Variants in ANKRD12 observed in about 807,000 individuals in gnomAD.
The protein encoded by ANKRD12 is ankyrin repeat domain 12, also known as ankyrin repeat domain-containing protein 12.
In ANKRD12, 85 loss-of-function variants were observed where a neutral mutation model predicts 183.4. That is an observed-to-expected ratio of 0.46 (90% CI 0.39 to 0.56). The LOEUF (loss-of-function observed/expected upper bound fraction) is 0.56, where lower values mean the gene tolerates loss of function less well. Ranked by LOEUF, ANKRD12 falls within the 20% of genes least tolerant of loss-of-function variation. The pLI is 0.00. For missense variants in ANKRD12, 2,405 were observed against 2,357.1 expected, an observed-to-expected ratio of 1.02 and a Z score of -0.42; for synonymous variants, 914 against 800.2, an observed-to-expected ratio of 1.14 and a Z score of -2.40.
At chr18:9,205,028 A>G (rs901800376) in intron 4 of ANKRD12, among the ~76,000 whole-genome samples, 2 of 152,176 alleles carry the variant, frequency 1.3e-5, no homozygotes, top group Admixed American at 1.3e-4. Flanking sequence ...GCCGTTATTG[A>G]CTTTGTTGCC....
intron 1 of ANKRD12, among the ~76,000 whole-genome samples, chr18:9,156,577 TG>T (rs1256111749): frequency 6.6e-6 from 1 of 152,216 alleles, no homozygotes; most frequent in Non-Finnish European, 1.5e-5. Context: ...GAATGTATTC[TG>T]ATCTTTGGCT....
Position 9,257,038 on chromosome 18 carries a change from T to C in ANKRD12, c.3771T>C (p.Ala1257=). The C allele has an allele frequency of 6.2e-7, 1 of 1,614,140 alleles. No homozygotes were observed. The highest frequency in any genetic ancestry group is 8.5e-7 in the Non-Finnish European group (1 of 1,180,006). ...TTTTGTCAATTGCCAAATCTCCTGC[T>C]CTTCATGAAAGGGAATTGGACAGCC... is the stretch of plus-strand genomic sequence containing the variant. ...SPFLSIAKSP[A]LHERELDSLA... Residue 1257 remains alanine, a synonymous_variant, in exon 9 of 13, where the codon GCT becomes GCC. Coordinates refer to ENST00000262126, the MANE Select transcript of ANKRD12 (RefSeq NM_015208.5).
At chr18:9,200,894 G>C (rs1228676513) in intron 3 of ANKRD12, among the ~76,000 whole-genome samples, 1 of 152,178 alleles carries the variant, frequency 6.6e-6, no homozygotes, top group Non-Finnish European at 1.5e-5. Flanking sequence ...TCATCTTAAT[G>C]CTCTGCCACT....
intron 1 of ANKRD12, among the ~76,000 whole-genome samples, chr18:9,171,757 AC>A (rs1262774558): frequency 6.6e-6 from 1 of 152,110 alleles, no homozygotes; most frequent in African/African-American, 2.4e-5. Flanking sequence ...GCGGTGGCTC[AC>A]GTCTGTAATC....
At chr18:9,214,002 A>G (rs2035951689) in intron 6 of ANKRD12, among the ~76,000 whole-genome samples, 1 of 152,024 alleles carries the variant, frequency 6.6e-6, no homozygotes, top group African/African-American at 2.4e-5. Context: ...ACTTTTGTCA[A>G]ATAATTTAGC....
chr18:9,267,035 G>A (rs2039332136), intron 10 of ANKRD12, among the ~76,000 whole-genome samples: 1 of 152,054 alleles, frequency 6.6e-6, no homozygotes, highest in Non-Finnish European at 1.5e-5. Flanking sequence ...ATTACATAAT[G>A]GTAAAGGGAT....
intron 1 of ANKRD12, among the ~76,000 whole-genome samples, chr18:9,161,295 A>G (rs1029572350): frequency 1.3e-5 from 2 of 152,102 alleles, no homozygotes; most frequent in East Asian, 1.9e-4. Context: ...TAGTTGTGAA[A>G]GATTTGTAGA....
intron 10 of ANKRD12, among the ~76,000 whole-genome samples, chr18:9,269,854 T>C (rs1033487448): frequency 6.7e-6 from 1 of 149,614 alleles, no homozygotes; most frequent in Admixed American, 6.6e-5. Context: ...TGGGAGAAAA[T>C]TTTTGCAATC....
At chr18:9,223,645 GA>G (rs887493967) in intron 8 of ANKRD12, among the ~76,000 whole-genome samples, 16 of 151,518 alleles carry the variant, frequency 1.1e-4, no homozygotes, top group African/African-American at 2.7e-4. Context: ...TTGTTGTGGG[GA>G]AAAAAAATAA....
In ANKRD12 at chr18:9,257,347, A is replaced by G; in HGVS notation, c.4080A>G (p.Ser1360=). ...VFSNVPERDL[S]NVSNIHSSFA... The stretch of plus-strand genomic sequence containing the variant: ...CAAATGTGCCTGAAAGAGACCTTTC[A>G]AATGTATCTAACATACATTCCAGTT... The change falls in exon 9 of 13, where the codon TCA becomes TCG. Residue 1360 remains serine (S), a synonymous_variant. Transcript: ENST00000262126. 6.2e-7 allele frequency: 1 copy of G among 1,614,166 alleles called. No homozygotes were observed. Among genetic ancestry groups the G allele is most frequent in the Non-Finnish European group, 8.5e-7 (1 of 1,180,002 alleles).
In ANKRD12 at chr18:9,284,731, A is replaced by G. The variant is rs2040184340; in HGVS notation, c.*3605A>G. On this transcript the variant is annotated 3_prime_UTR_variant, in exon 13 of 13. Transcript: ENST00000262126. ...TCCAGTCAGTAAAAGTAGAATTCAT[A>G]GAAAAAACTGAGGCAAATTAAAACA... 6.6e-6 allele frequency: 1 copy of G among 152,194 alleles called. No homozygotes were observed. The highest frequency in any genetic ancestry group is 1.5e-5 in the Non-Finnish European group (1 of 68,030). The allele number at this position is 152,194 out of a possible 1,614,324, so 9.4% of individuals were successfully genotyped here. A position where few individuals can be genotyped will look rare whatever the true frequency, so the allele number is the denominator to read the frequency against.
intron 1 of ANKRD12, among the ~76,000 whole-genome samples, chr18:9,152,433 T>C (rs540560659): frequency 1.3e-5 from 2 of 152,322 alleles, no homozygotes; most frequent in African/African-American, 4.8e-5. Flanking sequence ...AAATAGGTCC[T>C]TAAAAAACAG....
chr18:9,259,001 G>T, intron 9 of ANKRD12, 70 bp downstream of exon 9: 1 of 1,451,586 alleles, frequency 6.9e-7, no homozygotes. Flanking sequence ...AGCCACATAC[G>T]TAATTTGAAG....
intron 8 of ANKRD12, among the ~76,000 whole-genome samples, chr18:9,232,043 T>C (rs2037084491): frequency 6.6e-6 from 1 of 152,194 alleles, no homozygotes; most frequent in African/African-American, 2.4e-5. Flanking sequence ...CCCATTTATA[T>C]TCAATTTTAT....
At chr18:9,169,502 C>G (rs890898276) in intron 1 of ANKRD12, among the ~76,000 whole-genome samples, 16 of 152,028 alleles carry the variant, frequency 1.1e-4, no homozygotes, top group Non-Finnish European at 2.1e-4. Flanking sequence ...TTGTTGGTTT[C>G]AAGTCTGTTT....
chr18:9,181,992 G>T (rs1025298738), intron 1 of ANKRD12, among the ~76,000 whole-genome samples: 1 of 152,172 alleles, frequency 6.6e-6, no homozygotes, highest in Non-Finnish European at 1.5e-5. Context: ...TAAAATTACT[G>T]ATCAAACCTA....
At chr18:9,247,117 A>G (rs1390893479) in intron 8 of ANKRD12, among the ~76,000 whole-genome samples, 1 of 152,146 alleles carries the variant, frequency 6.6e-6, no homozygotes, top group Non-Finnish European at 1.5e-5. Flanking sequence ...CTGTTGGGCA[A>G]AAAGGATGCT....
intron 7 of ANKRD12, among the ~76,000 whole-genome samples, chr18:9,218,232 C>T (rs899372703): frequency 1.3e-5 from 2 of 152,144 alleles, no homozygotes; most frequent in East Asian, 3.8e-4. Flanking sequence ...AGAAGCTGAC[C>T]TTTTGAGCTC....
chr18:9,249,887 A>G (rs1010904387), intron 8 of ANKRD12: 4 of 152,224 alleles, frequency 2.6e-5, no homozygotes, highest in African/African-American at 7.2e-5. Flanking sequence ...GTACTCCACT[A>G]TTATGGCTAA....
Sources: allele counts gnomAD v4.1 joint callset (sites outside exome capture counted in the v4.1 genomes callset), GRCh38; gene constraint gnomAD v4.1.1; transcripts MANE v1.5; gene names NCBI Gene and HGNC (gene_info 2026-07-23, HGNC 2026-07-21).